The following PTH2R variants were observed in gnomAD, a reference collection of about 807,000 sequenced individuals.
The protein encoded by PTH2R is parathyroid hormone 2 receptor.
PTH2R carries 59 observed loss-of-function variants against 60.3 expected under a neutral mutation model. The observed-to-expected ratio is 0.98, with a 90% CI of 0.79 to 1.22. PTH2R has a LOEUF of 1.22. Among genes scored for constraint, PTH2R ranks in the 50% most tolerant of loss-of-function variants. The pLI is 0.00. For synonymous variants in PTH2R, 256 were observed against 243.8 expected, an observed-to-expected ratio of 1.05 and a Z score of -0.47; for missense variants, 749 against 682.6, an observed-to-expected ratio of 1.10 and a Z score of -1.08.
rs1224510058 is a variant in PTH2R at position 208,429,110 on chromosome 2, G to T, written c.178+807G>T. ...AAAAAAAAAAAAAAAAAAGTGTTGA[G>T]ACTTAATGTCTTATAGTTTTGTCAA... On this transcript the variant is annotated intron_variant, in intron 2 of 12. Coordinates refer to ENST00000272847, the MANE Select transcript of PTH2R (RefSeq NM_005048.4). 2.0e-5 allele frequency among the ~76,000 whole-genome samples: 3 copies of T among 150,540 alleles called. No homozygotes were observed. In the East Asian group the frequency reaches 5.9e-4, roughly 29 times the overall value.
intron 1 of PTH2R, among the ~76,000 whole-genome samples, chr2:208,419,532 A>C (rs962219444): frequency 6.6e-6 from 1 of 152,082 alleles, no homozygotes; most frequent in African/African-American, 2.4e-5. Flanking sequence ...GTTTAATTAG[A>C]TCCCATTTGT....
At chr2:208,473,606 T>C (rs1465350833) in intron 9 of PTH2R, among the ~76,000 whole-genome samples, 1 of 152,172 alleles carries the variant, frequency 6.6e-6, no homozygotes, top group Admixed American at 6.5e-5. Context: ...CCGTATTGCA[T>C]TTTACTTACT....
chr2:208,493,682 C>A lies in PTH2R; in HGVS notation c.*23C>A, dbSNP rs1703465775. 2 of 1,528,076 alleles carry A rather than the reference C, an allele frequency of 1.3e-6. No individual in the cohort carries two copies. The highest frequency in any genetic ancestry group is 2.6e-5 in the South Asian group (2 of 77,062). The allele number at this position is 1,528,076 out of a possible 1,614,324, so 94.7% of individuals were successfully genotyped here. A position where few individuals can be genotyped will look rare whatever the true frequency, so the allele number is the denominator to read the frequency against. The stretch of plus-strand genomic sequence containing the variant: ...TGAATGGACATTTGTGGCTGACTTT[C>A]ATGGGCTGGTCCAATGGCTGGTTGT... On this transcript the variant is annotated 3_prime_UTR_variant, in exon 13 of 13. Coordinates refer to ENST00000272847, the MANE Select transcript of PTH2R (RefSeq NM_005048.4).
intron 12 of PTH2R, 45 bp downstream of exon 12, chr2:208,490,725 A>G (rs1168108399): frequency 1.3e-6 from 2 of 1,555,628 alleles, no homozygotes; most frequent in East Asian, 2.3e-5. Flanking sequence ...CAGCTTGTAA[A>G]TGGCCATCAC....
intron 10 of PTH2R, among the ~76,000 whole-genome samples, chr2:208,486,903 G>A (rs1479637587): frequency 6.6e-6 from 1 of 152,202 alleles, no homozygotes; most frequent in African/African-American, 2.4e-5. Context: ...AGTAGGAGGT[G>A]TGAGTACCAG....
At chr2:208,422,314 A>G (rs761296508) in intron 1 of PTH2R, among the ~76,000 whole-genome samples, 1 of 152,206 alleles carries the variant, frequency 6.6e-6, no homozygotes, top group African/African-American at 2.4e-5. Flanking sequence ...ACACATAGAC[A>G]CACCGGAAAC....
At chr2:208,428,374 CCTT>C (rs2105854635) in intron 2 of PTH2R, 71 bp downstream of exon 2, 4 of 1,103,816 alleles carry the variant, frequency 3.6e-6, no homozygotes, top group Non-Finnish European at 5.4e-6. Flanking sequence ...ACATTTCCCT[CCTT>C]CTTTAGTGTT....
At chr2:208,444,925 G>A in intron 7 of PTH2R, 38 bp downstream of exon 7, 40 of 1,570,008 alleles carry the variant, frequency 2.5e-5, no homozygotes, top group Non-Finnish European at 3.3e-5. Context: ...CAAACTGGAT[G>A]ATGCATTTGA....
Position 208,406,883 on chromosome 2 carries a change from C to G in PTH2R, c.-161C>G, listed in dbSNP as rs1335793997. 1.5e-5 allele frequency: 7 copies of G among 482,584 alleles called. No individual in the cohort carries two copies. In the Admixed American group the frequency reaches 2.5e-4, roughly 17 times the overall value. The allele number at this position is 482,584 out of a possible 1,614,324, so 29.9% of individuals were successfully genotyped here. On this transcript the variant is annotated 5_prime_UTR_variant, in exon 1 of 13. Coordinates refer to ENST00000272847, the MANE Select transcript of PTH2R (RefSeq NM_005048.4). ...TCTGAGAAGCGCGTGGCTCCGGCGA[C>G]AAGACCCCAAGCACCCTCGGCCGGT... is the stretch of plus-strand genomic sequence containing the variant.
chr2:208,416,494 A>G (rs180705832), intron 1 of PTH2R, among the ~76,000 whole-genome samples: 3 of 152,342 alleles, frequency 2.0e-5, no homozygotes, highest in Non-Finnish European at 2.9e-5. Flanking sequence ...TGGCTTAGCC[A>G]TGATAAAGCT....
chr2:208,415,572 T>A (rs765429996), intron 1 of PTH2R, among the ~76,000 whole-genome samples: 22 of 152,212 alleles, frequency 1.4e-4, no homozygotes, highest in Non-Finnish European at 2.9e-4. Context: ...AATATTCTGC[T>A]TCTAAAGGCA....
chr2:208,399,090 A>G (rs532942622), intron 1 of PTH2R, among the ~76,000 whole-genome samples: 30 of 152,362 alleles, frequency 2.0e-4, no homozygotes, highest in African/African-American at 7.2e-4. Flanking sequence ...TATTGTTTAC[A>G]TAATCATCTC....
In PTH2R at chr2:208,437,777, T is replaced by C. The variant is rs756510710; in HGVS notation, c.307T>C (p.Cys103Arg). 3 of 1,613,402 alleles carry C rather than the reference T, an allele frequency of 1.9e-6. No individual in the cohort carries two copies. The highest frequency in any genetic ancestry group is 2.5e-6 in the Non-Finnish European group (3 of 1,179,488). ...CTTTACAGGAGTTGCTTTCCGACAC[T>C]GTAACCCCAATGGAACATGGGATTT... ...FNHKGVAFRH[C>R]NPNGTWDFMH... Residue 103 changes from cysteine (C) to arginine (R), a missense_variant, in exon 4 of 13, where the codon TGT becomes CGT. By Grantham distance (180) the Cys-to-Arg change is radical. Coordinates refer to ENST00000272847, the MANE Select transcript of PTH2R (RefSeq NM_005048.4).
intron 2 of PTH2R, among the ~76,000 whole-genome samples, chr2:208,435,990 G>A (rs1166582627): frequency 6.6e-6 from 1 of 152,158 alleles, no homozygotes; most frequent in East Asian, 1.9e-4. Context: ...ATCACTAATC[G>A]AAAGGAGTCC....
intron 11 of PTH2R, 21 bp downstream of exon 11, chr2:208,489,171 A>G: frequency 6.2e-7 from 1 of 1,612,790 alleles, no homozygotes; most frequent in Non-Finnish European, 8.5e-7. Flanking sequence ...CTGCCTAGTC[A>G]TCTGATTCTT....
At chr2:208,425,803 T>C (rs1177607090) in intron 1 of PTH2R, among the ~76,000 whole-genome samples, 1 of 152,202 alleles carries the variant, frequency 6.6e-6, no homozygotes, top group Non-Finnish European at 1.5e-5. Flanking sequence ...CTGTGCCTAT[T>C]GATATTCCAG....
rs1700602647 is a variant in PTH2R at position 208,366,820 on chromosome 2, G to A, written c.-259+6583G>A. ...CTGTACATCGTGAACTGTAACAAGT[G>A]GAATATAACCAGACCGTAGCTTACA... On this transcript the variant is annotated intron_variant, in intron 1 of 12. Coordinates refer to the PTH2R transcript ENST00000617735. Among the ~76,000 whole-genome samples, 3 of 152,170 alleles carry A rather than the reference G, an allele frequency of 2.0e-5. No homozygotes were observed. The South Asian group carries it at 6.2e-4, about 31-fold the overall frequency.
chr2:208,374,105 CTT>C (rs199917630), intron 1 of PTH2R, among the ~76,000 whole-genome samples: 6 of 143,384 alleles, frequency 4.2e-5, no homozygotes, highest in African/African-American at 2.5e-5. Flanking sequence ...TCTTTTTTGC[CTT>C]TTTTTTTTTG....
At position 208,475,732 on chromosome 2, in the gene PTH2R, T is replaced by C. The variant is rs114533434; in HGVS notation, c.982-5338T>C. The stretch of plus-strand genomic sequence containing the variant: ...TTAGGAATATATGGGGCAGTGGAGA[T>C]TCTTTCTTTTTCAGGTCACTTTTTA... On this transcript the variant is annotated intron_variant, in intron 9 of 12. Coordinates refer to ENST00000272847, the MANE Select transcript of PTH2R (RefSeq NM_005048.4). Among the ~76,000 whole-genome samples, 1,019 of 152,286 alleles carry C rather than the reference T, an allele frequency of 6.7e-3. 16 individuals are homozygous for C. Among genetic ancestry groups the C allele is most frequent in the African/African-American group, 0.023 (948 of 41,560 alleles).
Sources: allele counts gnomAD v4.1 joint callset (sites outside exome capture counted in the v4.1 genomes callset), GRCh38; gene constraint gnomAD v4.1.1; transcripts MANE v1.5; gene names NCBI Gene and HGNC (gene_info 2026-07-23, HGNC 2026-07-21).